The following ASPH variants were observed in gnomAD, a reference collection of about 807,000 sequenced individuals.
ASPH encodes aspartate beta-hydroxylase.
A neutral mutation model predicts 118.4 loss-of-function variants in ASPH; 100 were observed. The ratio of observed to expected loss-of-function variants is 0.84; its 90% CI spans 0.72 to 1.00. ASPH has a LOEUF of 1.00. ASPH is among the 50% of genes least tolerant of loss of function. The probability of loss-of-function intolerance (pLI) is 0.00; values close to 1 mark genes in which losing one functional copy is unlikely to be tolerated. For missense variants in ASPH, 920 were observed against 919.5 expected (o/e 1.00, Z -0.01); for synonymous variants, 315 against 325.6 (o/e 0.97, Z 0.35).
Position 61,559,944 on chromosome 8 carries a change from G to C in ASPH, c.1437+2800C>G, listed in dbSNP as rs111564154. On this transcript the variant is annotated intron_variant, in intron 18 of 24. Coordinates refer to ENST00000379454, the MANE Select transcript of ASPH (RefSeq NM_004318.4). Reference sequence around the variant, plus strand: ...GTGTTTTAGTGTTGGTGAGGGTTGGGGGGGGGAGCAAGCTAGGACAGGATA... The same window carrying C: ...GTGTTTTAGTGTTGGTGAGGGTTGGCGGGGGGAGCAAGCTAGGACAGGATA... Among the ~76,000 whole-genome samples the C allele has an allele frequency of 2.2e-3, 59 of 26,798 alleles. No individual in the cohort carries two copies. The East Asian group carries it at 0.1, about 48-fold the overall frequency. The allele number at this position is 26,798 out of a possible 152,430, so 17.6% of individuals were successfully genotyped here.
At chr8:61,515,061 G>C (rs1246433704) in intron 24 of ASPH, among the ~76,000 whole-genome samples, 2 of 151,376 alleles carry the variant, frequency 1.3e-5, no homozygotes, top group Admixed American at 6.6e-5. Flanking sequence ...GAGGGAGGGA[G>C]AGAGAAAAAA....
intron 1 of ASPH, among the ~76,000 whole-genome samples, chr8:61,701,767 TAAG>T (rs1335377707): frequency 6.6e-6 from 1 of 152,206 alleles, no homozygotes; most frequent in African/African-American, 2.4e-5. Flanking sequence ...TATTACCATT[TAAG>T]GAGGAAAATG....
intron 14 of ASPH, among the ~76,000 whole-genome samples, chr8:61,598,155 A>C (rs1842966022): frequency 6.6e-6 from 1 of 152,236 alleles, no homozygotes. Flanking sequence ...AATATAAACA[A>C]ATTAAATTCT....
intron 20 of ASPH, among the ~76,000 whole-genome samples, chr8:61,549,787 A>T (rs542407719): frequency 1.2e-4 from 18 of 152,354 alleles, no homozygotes; most frequent in African/African-American, 4.3e-4. Flanking sequence ...TCCATTTTTG[A>T]GTCATCACAA....
chr8:61,642,845 C>CAAAAAAAAAA, intron 10 of ASPH, 43 bp downstream of exon 10: 3 of 872,950 alleles, frequency 3.4e-6, no homozygotes, highest in Non-Finnish European at 1.5e-6. Flanking sequence ...AACTCCATCT[C>CAAAAAAAAAA]AAAAAAAAAA....
At chr8:61,652,171 C>G (rs560011146) in intron 4 of ASPH, among the ~76,000 whole-genome samples, 1 of 152,310 alleles carries the variant, frequency 6.6e-6, no homozygotes, top group African/African-American at 2.4e-5. Context: ...GTCTGCCAAT[C>G]GCCATCCTCT....
At chr8:61,626,339 G>T in intron 13 of ASPH, 1 of 1,403,750 alleles carries the variant, frequency 7.1e-7, no homozygotes, top group Non-Finnish European at 9.3e-7. Context: ...CTGTGAAACT[G>T]CTTCATTTTC....
chr8:61,584,325 T>C (rs150394113), intron 14 of ASPH, among the ~76,000 whole-genome samples: 12 of 152,340 alleles, frequency 7.9e-5, no homozygotes, highest in African/African-American at 2.6e-4. Flanking sequence ...ATGTAAATGG[T>C]GGGTATGACT....
chr8:61,515,780 T>C (rs80313206), intron 24 of ASPH, among the ~76,000 whole-genome samples: 1,591 of 152,328 alleles, frequency 0.01, 23 homozygotes, highest in African/African-American at 0.036. Flanking sequence ...AAGACTGCAA[T>C]TGCAGCAGCA....
rs144117651 is a variant in ASPH at position 61,683,892 on chromosome 8, A to C, written c.253+147T>G. Reference sequence around the variant, plus strand: ...ACAATACTCCAAGGTAACCTTCTTCATATCCCCTTTCAGCCTCACTCTATT... The same window carrying C: ...ACAATACTCCAAGGTAACCTTCTTCCTATCCCCTTTCAGCCTCACTCTATT... On this transcript the variant is annotated intron_variant, in intron 2 of 24. Coordinates refer to ENST00000379454, the MANE Select transcript of ASPH (RefSeq NM_004318.4). The C allele has an allele frequency of 9.2e-4, 848 of 921,914 alleles. 3 individuals carry two copies. In the African/African-American group the frequency reaches 0.012, roughly 13 times the overall value. 57.1% of individuals were successfully genotyped at this position (921,914 alleles called of 1,614,324 possible).
At chr8:61,588,094 G>A (rs374246532) in intron 14 of ASPH, among the ~76,000 whole-genome samples, 3 of 152,228 alleles carry the variant, frequency 2.0e-5, no homozygotes. Flanking sequence ...GTACTAGAAA[G>A]AATTATTAAT....
intron 13 of ASPH, among the ~76,000 whole-genome samples, chr8:61,630,678 C>T (rs1473813844): frequency 2.0e-5 from 3 of 152,142 alleles, no homozygotes; most frequent in Admixed American, 6.6e-5. Flanking sequence ...AAATCTACTG[C>T]ACTGCCAGCT....
intron 24 of ASPH, among the ~76,000 whole-genome samples, chr8:61,510,032 T>C (rs1463461818): frequency 6.6e-6 from 1 of 152,180 alleles, no homozygotes; most frequent in East Asian, 1.9e-4. Flanking sequence ...ATGAGAGTGC[T>C]TGATCTCACT....
chr8:61,517,691 C>A (rs369992316), intron 23 of ASPH, 30 bp from the exon 24 acceptor site: 1 of 1,602,826 alleles, frequency 6.2e-7, no homozygotes, highest in South Asian at 1.1e-5. Context: ...CTCCATTCAG[C>A]CATTTATCAA....
At chr8:61,709,574 G>A (rs971911760) in intron 1 of ASPH, among the ~76,000 whole-genome samples, 12 of 152,172 alleles carry the variant, frequency 7.9e-5, no homozygotes, top group South Asian at 4.1e-4. Flanking sequence ...GCTTTTCCCC[G>A]GAGGTTTAGG....
intron 14 of ASPH, among the ~76,000 whole-genome samples, chr8:61,596,637 G>A (rs553430785): frequency 2.6e-5 from 4 of 152,136 alleles, no homozygotes; most frequent in Non-Finnish European, 5.9e-5. Flanking sequence ...CACTGATGCT[G>A]AACACAGCCA....
chr8:61,634,453 A>T, intron 12 of ASPH, among the ~76,000 whole-genome samples: 1 of 152,194 alleles, frequency 6.6e-6, no homozygotes, highest in African/African-American at 2.4e-5. Context: ...AAAACAGAAA[A>T]CACTTATGGA....
At position 61,501,093 on chromosome 8, in the gene ASPH, T is replaced by TTAAAC. The variant is rs1217371361; in HGVS notation, c.*2261_*2265dup. The stretch of plus-strand genomic sequence containing the variant: ...TCAAACAACTGTATCACAATATAAA[T>TTAAAC]TAAACTAATTCATTTTTGTGTAGAC... On this transcript the variant is annotated 3_prime_UTR_variant, in exon 25 of 25. Coordinates refer to ENST00000379454, the MANE Select transcript of ASPH (RefSeq NM_004318.4). 1 of 152,134 alleles carries TTAAAC rather than the reference T, an allele frequency of 6.6e-6. No individual in the cohort carries two copies. The highest frequency in any genetic ancestry group is 1.9e-4 in the East Asian group (1 of 5,194). The allele number at this position is 152,134 out of a possible 1,614,324, so 9.4% of individuals were successfully genotyped here. A position where few individuals can be genotyped will look rare whatever the true frequency, so the allele number is the denominator to read the frequency against.
At chr8:61,535,776 A>G (rs1339780668) in intron 21 of ASPH, among the ~76,000 whole-genome samples, 1 of 152,244 alleles carries the variant, frequency 6.6e-6, no homozygotes, top group South Asian at 2.1e-4. Context: ...TCTAAACATG[A>G]TAAGACGAGT....
Sources: gnomAD v4.1 joint callset for allele counts (sites outside exome capture counted in the v4.1 genomes callset) on GRCh38, gnomAD v4.1.1 for gene constraint, MANE v1.5 for transcripts, NCBI Gene and HGNC (gene_info 2026-07-23, HGNC 2026-07-21) for gene names.